Variants in MSTO1 observed in about 807,000 individuals in gnomAD.
MSTO1 encodes misato mitochondrial distribution and morphology regulator 1.
MSTO1 carries 24 observed loss-of-function variants against 55.7 expected under a neutral mutation model. The ratio of observed to expected loss-of-function variants is 0.43; its 90% CI spans 0.31 to 0.61. The LOEUF (loss-of-function observed/expected upper bound fraction) is 0.61, where lower values mean the gene tolerates loss of function less well. Among genes scored for constraint, MSTO1 ranks in the 20% least tolerant of loss-of-function variants. The pLI, the probability that MSTO1 is intolerant of heterozygous loss-of-function variation, is 0.09. For missense variants in MSTO1, 363 were observed against 625.7 expected (o/e 0.58, Z 4.48); for synonymous variants, 162 against 252.8 (o/e 0.64, Z 3.41).
chr1:155,587,501 T>C, the MSTO1 span, among the ~76,000 whole-genome samples: 1 of 149,308 alleles, frequency 6.7e-6, no homozygotes, highest in Non-Finnish European at 1.5e-5. Flanking sequence ...CCCAGCACTT[T>C]GGGAGGCCGA....
upstream of MSTO1, among the ~76,000 whole-genome samples, chr1:155,608,188 C>T (rs1558242876): frequency 2.0e-5 from 3 of 152,202 alleles, no homozygotes; most frequent in Non-Finnish European, 4.4e-5. Flanking sequence ...AATTTTGAGA[C>T]AGGGTCTCCC....
the MSTO1 span, among the ~76,000 whole-genome samples, chr1:155,597,765 C>G: frequency 2.0e-5 from 3 of 151,136 alleles, no homozygotes; most frequent in Non-Finnish European, 2.9e-5. Context: ...CCGCCTTGGT[C>G]TCCCAAAGTG....
At chr1:155,610,001 G>T, upstream of MSTO1, 1 of 516,756 alleles carries the variant, frequency 1.9e-6, no homozygotes, top group Non-Finnish European at 3.4e-6. Flanking sequence ...CCGCTCCAAC[G>T]TGGAGCAGGA....
the MSTO1 span, among the ~76,000 whole-genome samples, chr1:155,600,505 A>G: frequency 2.2e-4 from 34 of 152,024 alleles, no homozygotes; most frequent in Non-Finnish European, 3.8e-4. Flanking sequence ...TTTTCCCCAC[A>G]GCATATGTCC....
chr1:155,594,159 T>G, the MSTO1 span, among the ~76,000 whole-genome samples: 2 of 152,086 alleles, frequency 1.3e-5, no homozygotes, highest in Non-Finnish European at 2.9e-5. Context: ...CTCAGTACTT[T>G]GGGAGACCGA....
Position 155,612,276 on chromosome 1 carries a change from TAA to T in MSTO1, c.774_775del (p.Ile259AsnfsTer63). On this transcript the variant is annotated frameshift_variant, in exon 8 of 14. Transcript: ENST00000245564. LOFTEE classifies it high-confidence loss of function. ...CAAGATGAATATTCAGGGCGGGGAA[TAA>T]TAACCTGGGGCCTGCTACCTGGTCC... 6.3e-7 allele frequency: 1 copy of T among 1,592,398 alleles called. No individual in the cohort carries two copies. Among genetic ancestry groups the T allele is most frequent in the Non-Finnish European group, 8.6e-7 (1 of 1,168,048 alleles).
chr1:155,609,656 T>C (rs1487469406), upstream of MSTO1: 1 of 152,988 alleles, frequency 6.5e-6, no homozygotes, highest in East Asian at 1.9e-4. Flanking sequence ...ACATAAACCA[T>C]ATTGAGCAAA....
the MSTO1 span, among the ~76,000 whole-genome samples, chr1:155,568,419 T>C: frequency 7.3e-5 from 11 of 151,106 alleles, no homozygotes; most frequent in Admixed American, 7.3e-4. Context: ...TTGAGATTTT[T>C]GTTTGGGTAC....
chr1:155,586,693 G>T, the MSTO1 span: 1 of 518,184 alleles, frequency 1.9e-6, no homozygotes. Flanking sequence ...CTTATCTCTA[G>T]GATCCATAAG....
Position 155,611,753 on chromosome 1 carries a change from G to A in MSTO1, c.486G>A (p.Arg162=), listed in dbSNP as rs1467858738. The A allele has an allele frequency of 6.9e-6, 5 of 726,792 alleles. 1 individual carries two copies. The allele number at this position is 726,792 out of a possible 1,614,324, so 45.0% of individuals were successfully genotyped here. The change falls in exon 6 of 14, where the codon AGG becomes AGA. Residue 162 remains arginine (R), a synonymous_variant. Transcript: ENST00000245564. The part of the protein sequence containing the change: ...KPLIPTEASI[R]VWSDFLRVHL... ...TTATCCCTACAGAGGCCAGCATCAG[G>A]GTCTGGTCAGACTTCCTCAGAGTCC...
the MSTO1 span, among the ~76,000 whole-genome samples, chr1:155,602,888 ATTC>A: frequency 1.3e-5 from 2 of 152,082 alleles, no homozygotes; most frequent in African/African-American, 4.8e-5. Flanking sequence ...TATTGGAAAA[ATTC>A]TTCTTTACCC....
the MSTO1 span, among the ~76,000 whole-genome samples, chr1:155,586,877 A>T: frequency 1.3e-5 from 2 of 152,138 alleles, no homozygotes; most frequent in African/African-American, 2.4e-5. Context: ...CCTCCCAAGT[A>T]GCTGGGATTA....
At chr1:155,571,730 C>G in the MSTO1 span, among the ~76,000 whole-genome samples, 7 of 152,084 alleles carry the variant, frequency 4.6e-5, no homozygotes, top group Non-Finnish European at 7.4e-5. Context: ...TGCTTTTTCT[C>G]TCTGAAATTA....
the MSTO1 span, among the ~76,000 whole-genome samples, chr1:155,596,451 C>T: frequency 4.6e-5 from 7 of 152,174 alleles, no homozygotes; most frequent in Non-Finnish European, 8.8e-5. Flanking sequence ...CCTTTATATA[C>T]ATACTGGGTT....
chr1:155,590,743 A>C, the MSTO1 span: 1 of 1,596,864 alleles, frequency 6.3e-7, no homozygotes, highest in Non-Finnish European at 8.6e-7. Flanking sequence ...ACCCAGCAAC[A>C]AAAGGCCTGA....
chr1:155,590,839 G>T, the MSTO1 span: 3 of 1,608,154 alleles, frequency 1.9e-6, no homozygotes, highest in African/African-American at 1.3e-5. Flanking sequence ...CCAGATGATG[G>T]CATGCGCCGT....
intron 12 of MSTO1, 38 bp from the exon 13 acceptor site, chr1:155,613,619 C>T: frequency 1.3e-6 from 2 of 1,580,362 alleles, no homozygotes; most frequent in South Asian, 1.1e-5. Context: ...CCTCCCTTGA[C>T]TTCTTACGCA....
chr1:155,578,439 C>G, the MSTO1 span, among the ~76,000 whole-genome samples: 1 of 140,622 alleles, frequency 7.1e-6, no homozygotes, highest in Non-Finnish European at 1.5e-5. Flanking sequence ...CCCAGGTTCA[C>G]GTGATTCTTG....
chr1:155,590,634 C>G, the MSTO1 span: 2 of 1,400,244 alleles, frequency 1.4e-6, no homozygotes, highest in Non-Finnish European at 1.9e-6. Flanking sequence ...ACTCAGAGGT[C>G]CCCCGAGAGA....
Sources: gnomAD v4.1 joint callset for allele counts (sites outside exome capture counted in the v4.1 genomes callset) on GRCh38, gnomAD v4.1.1 for gene constraint, MANE v1.5 for transcripts, NCBI Gene and HGNC (gene_info 2026-07-23, HGNC 2026-07-21) for gene names.